The following ACTR3C variants were observed in gnomAD, a reference collection of about 807,000 sequenced individuals.
ACTR3C encodes actin related protein 3C, also known as actin-related protein 3C.
Under a neutral mutation model 26.3 loss-of-function variants are expected in ACTR3C, and 18 were observed. The observed-to-expected ratio is 0.68, with a 90% confidence interval of 0.47 to 1.01. The LOEUF is 1.01. Among genes scored for constraint, ACTR3C ranks in the 50% least tolerant of loss-of-function variants. The probability of loss-of-function intolerance (pLI) is 0.00; values close to 1 mark genes in which losing one functional copy is unlikely to be tolerated. For synonymous variants in ACTR3C, 55 were observed against 94.5 expected (o/e 0.58, Z 2.42); for missense variants, 184 against 250.7 (o/e 0.73, Z 1.80).
chr7:150,020,062 G>A, the ACTR3C span, among the ~76,000 whole-genome samples: 4 of 152,014 alleles, frequency 2.6e-5, no homozygotes, highest in Non-Finnish European at 5.9e-5. Flanking sequence ...CAACTACAAA[G>A]TTAATTGGCT....
At chr7:150,305,710 T>C (rs1032256594) in intron 1 of ACTR3C, among the ~76,000 whole-genome samples, 1 of 152,188 alleles carries the variant, frequency 6.6e-6, no homozygotes, top group South Asian at 2.1e-4. Context: ...TAATGCAATA[T>C]TGGGGAAGAG....
chr7:150,316,242 T>C (rs535054612), intron 1 of ACTR3C, among the ~76,000 whole-genome samples: 11 of 152,320 alleles, frequency 7.2e-5, no homozygotes, highest in African/African-American at 2.6e-4. Flanking sequence ...TATTCCATCA[T>C]GTGGATGTAC....
Position 150,323,534 on chromosome 7 carries a change from C to T in ACTR3C, c.-117G>A. ...GGACTTCCCAGCTTGGCCAGTGGCT[C>T]CGCAGGCTGCCGGCTCCACCCCTCA... On this transcript the variant is annotated 5_prime_UTR_variant, in exon 1 of 8. Coordinates refer to ENST00000683684, the MANE Select transcript of ACTR3C (RefSeq NM_001164458.2). The T allele has an allele frequency of 2.3e-6, 1 of 437,346 alleles. No homozygotes were observed. Among genetic ancestry groups the T allele is most frequent in the South Asian group, 1.6e-5 (1 of 62,740 alleles). 27.1% of individuals were successfully genotyped at this position (437,346 alleles called of 1,614,324 possible).
chr7:150,134,029 C>G, the ACTR3C span, among the ~76,000 whole-genome samples: 1 of 152,088 alleles, frequency 6.6e-6, no homozygotes, highest in Non-Finnish European at 1.5e-5. Context: ...TGAGCCACCA[C>G]CAAGCCTGGC....
the ACTR3C span, among the ~76,000 whole-genome samples, chr7:149,937,703 T>C: frequency 6.6e-6 from 1 of 151,538 alleles, no homozygotes; most frequent in Non-Finnish European, 1.5e-5. Flanking sequence ...CCAAGAGAGG[T>C]GTCAGGAACC....
At chr7:150,091,028 G>C in the ACTR3C span, among the ~76,000 whole-genome samples, 5 of 151,792 alleles carry the variant, frequency 3.3e-5, no homozygotes, top group African/African-American at 1.2e-4. Context: ...TTAATGAGCT[G>C]GTATCTAATT....
At chr7:149,967,611 G>T in the ACTR3C span, among the ~76,000 whole-genome samples, 8 of 152,108 alleles carry the variant, frequency 5.3e-5, no homozygotes, top group African/African-American at 1.9e-4. Context: ...ACCATTCCTG[G>T]CTATAAGCAA....
chr7:150,092,085 G>A, the ACTR3C span, among the ~76,000 whole-genome samples: 9 of 143,228 alleles, frequency 6.3e-5, no homozygotes, highest in East Asian at 1.9e-3. Context: ...GGACTCTGCT[G>A]TGAGCTTTTC....
chr7:150,276,337 T>C lies in ACTR3C; in HGVS notation c.564+8416A>G, dbSNP rs2530935. On this transcript the variant is annotated intron_variant, in intron 6 of 7. Coordinates refer to ENST00000683684, the MANE Select transcript of ACTR3C (RefSeq NM_001164458.2). Reference sequence around the variant, plus strand: ...CAGGTGCAAGGTAAAGAACCGCTCATAGACATGCCTTCCCCTCTCCCTGCT... The same window carrying C: ...CAGGTGCAAGGTAAAGAACCGCTCACAGACATGCCTTCCCCTCTCCCTGCT... Among the ~76,000 whole-genome samples the C allele has an allele frequency of 7.6e-3, 1,149 of 151,666 alleles. 13 individuals are homozygous for C. Among genetic ancestry groups the C allele is most frequent in the African/African-American group, 0.026 (1,085 of 40,958 alleles).
intron 6 of ACTR3C, among the ~76,000 whole-genome samples, chr7:150,251,613 G>T (rs1274497792): frequency 6.6e-6 from 1 of 151,942 alleles, no homozygotes; most frequent in African/African-American, 2.4e-5. Context: ...AAATAATAAG[G>T]AAAATAGGTA....
the ACTR3C span, among the ~76,000 whole-genome samples, chr7:149,921,679 C>T: frequency 6.6e-6 from 1 of 152,064 alleles, no homozygotes; most frequent in African/African-American, 2.4e-5. Context: ...GAGTTCAAGA[C>T]CAGCCTGGCC....
At chr7:150,036,193 G>GC in the ACTR3C span, among the ~76,000 whole-genome samples, 28 of 142,874 alleles carry the variant, frequency 2.0e-4, no homozygotes, top group African/African-American at 6.9e-4. Flanking sequence ...CAAGAGCCAG[G>GC]GGGGAAGAGG....
chr7:150,184,273 A>AC, the ACTR3C span, among the ~76,000 whole-genome samples: 1 of 150,796 alleles, frequency 6.6e-6, no homozygotes, highest in Non-Finnish European at 1.5e-5. Flanking sequence ...AACTCTCAGC[A>AC]CATCACCTGC....
At chr7:149,944,416 T>G in the ACTR3C span, among the ~76,000 whole-genome samples, 3 of 152,108 alleles carry the variant, frequency 2.0e-5, no homozygotes, top group Admixed American at 2.0e-4. Flanking sequence ...CATCTCAGTC[T>G]AGCATTGCAG....
the ACTR3C span, among the ~76,000 whole-genome samples, chr7:150,080,128 A>G: frequency 6.6e-6 from 1 of 152,026 alleles, no homozygotes; most frequent in African/African-American, 2.4e-5. Flanking sequence ...TCAGAACCAG[A>G]AGACCTGGTC....
chr7:149,903,388 G>A, the ACTR3C span, among the ~76,000 whole-genome samples: 1,733 of 151,718 alleles, frequency 0.011, no homozygotes, highest in African/African-American at 0.039. Flanking sequence ...AAAGGTTGCC[G>A]GATTAAAAAA....
the ACTR3C span, chr7:150,076,413 A>C: frequency 6.6e-6 from 1 of 152,216 alleles, no homozygotes; most frequent in Non-Finnish European, 1.5e-5. Context: ...AGATTATCTG[A>C]ATCAGGCTGC....
chr7:150,202,001 C>A, the ACTR3C span, among the ~76,000 whole-genome samples: 3 of 152,158 alleles, frequency 2.0e-5, no homozygotes, highest in Admixed American at 6.5e-5. Flanking sequence ...GCTTCATACA[C>A]CATTTACTTT....
the ACTR3C span, among the ~76,000 whole-genome samples, chr7:150,036,892 C>CCCG: frequency 8.5e-6 from 1 of 117,330 alleles, no homozygotes; most frequent in African/African-American, 3.2e-5. Context: ...GCTCTCAGTC[C>CCCG]CCGCCTCGCG....
Sources: allele counts gnomAD v4.1 joint callset (sites outside exome capture counted in the v4.1 genomes callset), GRCh38; gene constraint gnomAD v4.1.1; transcripts MANE v1.5; gene names NCBI Gene and HGNC (gene_info 2026-07-23, HGNC 2026-07-21).